Variants in HSH2D observed in about 807,000 individuals in gnomAD.
The protein encoded by HSH2D is hematopoietic SH2 domain-containing protein.
A neutral mutation model predicts 21.5 loss-of-function variants in HSH2D; 16 were observed. The ratio of observed to expected loss-of-function variants is 0.74; its 90% confidence interval spans 0.50 to 1.13. The LOEUF (loss-of-function observed/expected upper bound fraction) is 1.13, where lower values mean the gene tolerates loss of function less well. Among genes scored for constraint, HSH2D ranks in the 50% most tolerant of loss-of-function variants. The pLI, the probability that HSH2D is intolerant of heterozygous loss-of-function variation, is 0.00. For synonymous variants in HSH2D, 172 were observed against 184.7 expected (o/e 0.93, Z 0.56); for missense variants, 418 against 441.4 (o/e 0.95, Z 0.47).
intron 1 of HSH2D, among the ~76,000 whole-genome samples, chr19:16,144,642 G>A (rs1044429053): frequency 3.3e-5 from 5 of 151,104 alleles, no homozygotes; most frequent in East Asian, 1.9e-4. Context: ...CTAAGTGGGC[G>A]AGCTAGGGTT....
chr19:16,136,062 C>T (rs1259295394), intron 1 of HSH2D, among the ~76,000 whole-genome samples: 1 of 152,160 alleles, frequency 6.6e-6, no homozygotes, highest in Non-Finnish European at 1.5e-5. Context: ...CCACAAACTC[C>T]CTTCCCACCT....
At chr19:16,148,640 GGAGGCACCACAA>G (rs2091103893) in intron 1 of HSH2D, 72 bp from the exon 2 acceptor site, 6 of 1,377,908 alleles carry the variant, frequency 4.4e-6, no homozygotes, top group Non-Finnish European at 6.1e-6. Flanking sequence ...TCTCAAAGGA[GGAGGCACCACAA>G]GCTTCAAGAA....
At position 16,148,881 on chromosome 19, in the gene HSH2D, G is replaced by T. The variant is rs943591646; in HGVS notation, c.125+6G>T. On this transcript the variant is annotated splice_donor_region_variant and intron_variant, in intron 2 of 5. Transcript: ENST00000613986. ...CATGGTGCAATCTCAAGAGAGTGAG[G>T]ACACACCCACACCCTCCACCCTGCC... 1 of 1,608,884 alleles carries T rather than the reference G, an allele frequency of 6.2e-7. No individual in the cohort carries two copies. The highest frequency in any genetic ancestry group is 1.3e-5 in the African/African-American group (1 of 74,894).
Position 16,147,983 on chromosome 19 carries a change from T to G in HSH2D, c.-27-741T>G, listed in dbSNP as rs185386181. ...TTTTGTTGTTGTTGTTTTTGAAACA[T>G]GGTCTTGCTCTGTTCCCCAGGCTGG... On this transcript the variant is annotated intron_variant, in intron 1 of 5. Coordinates refer to ENST00000613986, the MANE Select transcript of HSH2D (RefSeq NM_001382417.1). 7.0e-3 allele frequency among the ~76,000 whole-genome samples: 1,031 copies of G among 146,612 alleles called. 20 individuals are homozygous for G. The highest frequency in any genetic ancestry group is 0.024 in the African/African-American group (934 of 39,574).
chr19:16,153,357 G>GC, intron 4 of HSH2D, 149 bp downstream of exon 4: 4 of 744,474 alleles, frequency 5.4e-6, no homozygotes, highest in East Asian at 2.9e-5. Flanking sequence ...TAGTCCCTCT[G>GC]CCCCCCACAG....
intron 2 of HSH2D, 70 bp downstream of exon 2, chr19:16,148,945 C>T: frequency 6.8e-7 from 1 of 1,474,644 alleles, no homozygotes; most frequent in Non-Finnish European, 9.1e-7. Context: ...CCCTGGGCAG[C>T]TTTTAACTGC....
chr19:16,151,658 G>A, intron 2 of HSH2D: 1 of 454,616 alleles, frequency 2.2e-6, no homozygotes. Flanking sequence ...GGAAGGGGCT[G>A]TGGGAGATGG....
chr19:16,144,785 C>T (rs1323257825), intron 1 of HSH2D, among the ~76,000 whole-genome samples: 2 of 149,680 alleles, frequency 1.3e-5, no homozygotes, highest in African/African-American at 4.9e-5. Context: ...CTCTGCCTCC[C>T]GAGTTCACGC....
intron 5 of HSH2D, chr19:16,155,619 C>CTT (rs35262744): frequency 3.2e-4 from 36 of 114,164 alleles, no homozygotes; most frequent in African/African-American, 1.0e-3. Context: ...CATGGGAGGA[C>CTT]TTTTTTTTTT....
chr19:16,147,910 G>A (rs2091094678), intron 1 of HSH2D, among the ~76,000 whole-genome samples: 1 of 151,944 alleles, frequency 6.6e-6, no homozygotes, highest in African/African-American at 2.4e-5. Flanking sequence ...CTCCCAAAGT[G>A]CTAGGATTAC....
At chr19:16,145,446 C>T (rs1302861424) in intron 1 of HSH2D, among the ~76,000 whole-genome samples, 1 of 152,202 alleles carries the variant, frequency 6.6e-6, no homozygotes, top group Non-Finnish European at 1.5e-5. Context: ...CTCCCAGCCT[C>T]AGGCAATCCG....
At chr19:16,135,414 G>A (rs1280103897) in intron 1 of HSH2D, among the ~76,000 whole-genome samples, 1 of 151,918 alleles carries the variant, frequency 6.6e-6, no homozygotes, top group African/African-American at 2.4e-5. Context: ...GGGTGACAGA[G>A]CAAGACCCTT....
chr19:16,151,341 AAGAG>A (rs1301048369), intron 2 of HSH2D: 38 of 234,444 alleles, frequency 1.6e-4, no homozygotes, highest in Non-Finnish European at 1.1e-4. Context: ...AAAAAAAAAA[AAGAG>A]AGAGAGAGAG....
chr19:16,141,067 A>G (rs1385215281), upstream of HSH2D, among the ~76,000 whole-genome samples: 1 of 152,228 alleles, frequency 6.6e-6, no homozygotes, highest in Non-Finnish European at 1.5e-5. Context: ...ACTCATCTCC[A>G]TGTGCTGTGC....
At chr19:16,150,966 C>T (rs2145044989) in intron 2 of HSH2D, among the ~76,000 whole-genome samples, 1 of 152,286 alleles carries the variant, frequency 6.6e-6, no homozygotes. Flanking sequence ...GGACCAAAGT[C>T]TCCCCAGCTT....
At chr19:16,152,814 C>A (rs778305413) in intron 3 of HSH2D, 173 bp downstream of exon 3, 1 of 759,084 alleles carries the variant, frequency 1.3e-6, no homozygotes, top group Non-Finnish European at 2.3e-6. Context: ...TCCGTAGTGG[C>A]ATGTTTTATC....
intron 2 of HSH2D, among the ~76,000 whole-genome samples, chr19:16,150,317 A>G (rs997793882): frequency 2.0e-5 from 3 of 152,102 alleles, no homozygotes; most frequent in Admixed American, 6.6e-5. Flanking sequence ...AGGCTGGCAG[A>G]CCACCTGAGG....
upstream of HSH2D, chr19:16,143,611 C>T: frequency 9.2e-6 from 3 of 325,110 alleles, no homozygotes; most frequent in South Asian, 6.3e-5. Flanking sequence ...GTGACTTGAG[C>T]TGTCCTTGTT....
At chr19:16,154,717 C>T (rs1374632335) in intron 5 of HSH2D, 6 of 405,958 alleles carry the variant, frequency 1.5e-5, no homozygotes, top group East Asian at 5.0e-5. Flanking sequence ...GCTGCCATAC[C>T]GTCTGTTGTT....
Sources: gnomAD v4.1 joint callset for allele counts (sites outside exome capture counted in the v4.1 genomes callset) on GRCh38, gnomAD v4.1.1 for gene constraint, MANE v1.5 for transcripts, NCBI Gene and HGNC (gene_info 2026-07-23, HGNC 2026-07-21) for gene names.